TMEM128: variants seen among roughly 807,000 people sequenced by gnomAD.
TMEM128 encodes the protein transmembrane protein 128.
TMEM128 carries 16 observed loss-of-function variants against 19.7 expected under a neutral mutation model. That is an observed-to-expected ratio of 0.81 (90% CI 0.55 to 1.23). TMEM128 has a LOEUF of 1.23. Among genes scored for constraint, TMEM128 ranks in the 50% most tolerant of loss-of-function variants. TMEM128 has a pLI of 0.00. For missense variants in TMEM128, 237 were observed against 200.8 expected, an observed-to-expected ratio of 1.18 and a Z score of -1.09; for synonymous variants, 98 against 75.8, an observed-to-expected ratio of 1.29 and a Z score of -1.52.
At position 4,248,152 on chromosome 4, in the gene TMEM128, CAGGAGG is replaced by C; in HGVS notation, c.45_50del (p.Leu16_Leu17del). The C allele has an allele frequency of 6.5e-7, 1 of 1,534,224 alleles. No homozygotes were observed. Among genetic ancestry groups the C allele is most frequent in the Non-Finnish European group, 8.8e-7 (1 of 1,142,050 alleles). On this transcript the variant is annotated inframe_deletion, in exon 1 of 5. Coordinates refer to ENST00000382753, the MANE Select transcript of TMEM128 (RefSeq NM_001297551.2). ...GGTCCAGCTGGGCCTCGGCGTCCGG[CAGGAGG>C]AGGAATCGCCGCCGGAGCTGCTGCC...
At chr4:4,236,607 C>T (rs1577192125) in intron 4 of TMEM128, among the ~76,000 whole-genome samples, 3 of 152,302 alleles carry the variant, frequency 2.0e-5, no homozygotes, top group Admixed American at 1.3e-4. Flanking sequence ...GAATGAAGGG[C>T]CTCCTGTGAG....
At chr4:4,242,371 A>G (rs77871096) in intron 2 of TMEM128, among the ~76,000 whole-genome samples, 2 of 152,108 alleles carry the variant, frequency 1.3e-5, no homozygotes, top group Non-Finnish European at 2.9e-5. Context: ...ATAGATATGC[A>G]TGCAGTATAT....
intron 2 of TMEM128, among the ~76,000 whole-genome samples, chr4:4,243,307 C>A (rs1008664069): frequency 9.9e-5 from 15 of 152,146 alleles, no homozygotes; most frequent in Non-Finnish European, 1.6e-4. Flanking sequence ...TGGTCTCGAT[C>A]TCCTGACCTC....
At chr4:4,239,632 T>C (rs190178636) in intron 3 of TMEM128, among the ~76,000 whole-genome samples, 1,722 of 152,258 alleles carry the variant, frequency 0.011, 19 homozygotes, top group Non-Finnish European at 0.016. Flanking sequence ...GCATCCTTCA[T>C]AGTAACCCCA....
intron 3 of TMEM128, among the ~76,000 whole-genome samples, chr4:4,238,771 C>T (rs537418158): frequency 9.2e-5 from 14 of 152,132 alleles, no homozygotes; most frequent in African/African-American, 3.1e-4. Context: ...TGGTGGCGCA[C>T]GCCTGTAATC....
intron 2 of TMEM128, among the ~76,000 whole-genome samples, chr4:4,240,905 C>A (rs1292059103): frequency 6.6e-6 from 1 of 152,194 alleles, no homozygotes; most frequent in Non-Finnish European, 1.5e-5. Flanking sequence ...CGGAGAAATC[C>A]TGTCTCTACT....
chr4:4,247,696 G>A (rs1184039435), intron 1 of TMEM128: 13 of 1,606,138 alleles, frequency 8.1e-6, no homozygotes, highest in Non-Finnish European at 1.0e-5. Context: ...GATGTGTCAG[G>A]TATACATATA....
At chr4:4,240,761 A>T (rs866092180) in intron 2 of TMEM128, among the ~76,000 whole-genome samples, 1 of 152,232 alleles carries the variant, frequency 6.6e-6, no homozygotes, top group South Asian at 2.1e-4. Context: ...AATTCTGGTC[A>T]TGACAATGCA....
At chr4:4,240,594 G>A (rs1336474882) in intron 2 of TMEM128, 115 bp from the exon 3 acceptor site, 11 of 1,182,014 alleles carry the variant, frequency 9.3e-6, no homozygotes, top group Non-Finnish European at 1.3e-5. Context: ...GTGTTGCAGA[G>A]GGAGCCATAC....
chr4:4,241,626 A>C lies in TMEM128; in HGVS notation c.240-1147T>G, dbSNP rs532905046. On this transcript the variant is annotated intron_variant, in intron 2 of 4. Transcript: ENST00000382753. ...GTTCCGGATTCCATGAAGGCTTTTT[A>C]CGATGATGCAATTCTGAGATTCGGA... Among the ~76,000 whole-genome samples, 8 of 152,344 alleles carry C rather than the reference A, an allele frequency of 5.3e-5. No homozygotes were observed. The East Asian group carries it at 1.4e-3, about 26-fold the overall frequency.
intron 3 of TMEM128, among the ~76,000 whole-genome samples, chr4:4,238,365 A>G (rs1717810140): frequency 6.6e-6 from 1 of 152,240 alleles, no homozygotes; most frequent in African/African-American, 2.4e-5. Flanking sequence ...TATATCTTTC[A>G]TTGAGAAAAA....
intron 1 of TMEM128, 79 bp downstream of exon 1, chr4:4,248,026 TG>T: frequency 6.6e-7 from 1 of 1,511,428 alleles, no homozygotes. Flanking sequence ...CCTTCCAGAC[TG>T]GGCCAGGGCT....
In TMEM128 at chr4:4,248,092, G is replaced by C. The variant is rs545343978; in HGVS notation, c.97+14C>G. 8 of 1,535,288 alleles carry C rather than the reference G, an allele frequency of 5.2e-6. No homozygotes were observed. Among genetic ancestry groups the C allele is most frequent in the South Asian group, 2.4e-5 (2 of 83,758 alleles). Reference sequence around the variant, plus strand: ...GCCTCTGAGAACCTCGGGGCGGCTTGGTGCGCGCCTCACCCGGCCCGGCGT... The same window carrying C: ...GCCTCTGAGAACCTCGGGGCGGCTTCGTGCGCGCCTCACCCGGCCCGGCGT... On this transcript the variant is annotated intron_variant, in intron 1 of 4. Transcript: ENST00000382753.
chr4:4,238,545 A>C (rs1717817240), intron 3 of TMEM128, among the ~76,000 whole-genome samples: 1 of 152,200 alleles, frequency 6.6e-6, no homozygotes, highest in Admixed American at 6.5e-5. Context: ...TATAATCACA[A>C]ATCACACTGT....
At position 4,248,185 on chromosome 4, in the gene TMEM128, G is replaced by T; in HGVS notation, c.18C>A (p.Ala6=). Residue 6 remains alanine, a synonymous_variant, in exon 1 of 5, where the codon GCC becomes GCA. Transcript: ENST00000382753. MDSSR[A]RQQLRRRFLL... ...GGAATCGCCGCCGGAGCTGCTGCCGGGCCCGCGAGGAGTCCATCTTGGTAC... is the reference window on the plus strand; with the variant it reads ...GGAATCGCCGCCGGAGCTGCTGCCGTGCCCGCGAGGAGTCCATCTTGGTAC... 1 of 1,526,652 alleles carries T rather than the reference G, an allele frequency of 6.6e-7. No individual in the cohort carries two copies. Among genetic ancestry groups the T allele is most frequent in the Admixed American group, 2.0e-5 (1 of 49,534 alleles). The allele number at this position is 1,526,652 out of a possible 1,614,324, so 94.6% of individuals were successfully genotyped here.
At chr4:4,240,283 G>C (rs373749767) in intron 3 of TMEM128, 38 bp downstream of exon 3, 1 of 1,598,714 alleles carries the variant, frequency 6.3e-7, no homozygotes, top group African/African-American at 1.3e-5. Context: ...AAAAAAATTT[G>C]TTGTTCATTC....
In TMEM128 at chr4:4,240,454, A is replaced by G; in HGVS notation, c.265T>C (p.Leu89=). 6.2e-7 allele frequency: 1 copy of G among 1,613,670 alleles called. No homozygotes were observed. Among genetic ancestry groups the G allele is most frequent in the Non-Finnish European group, 8.5e-7 (1 of 1,179,660 alleles). The change falls in exon 3 of 5, where the codon TTG becomes CTG. Residue 89 remains leucine, a synonymous_variant. Transcript: ENST00000382753. Reference sequence around the variant, plus strand: ...AATGCAATTGATAAACTGACAAGCAACAAGGCACTGCCACAGAGAAACCAG... The same window carrying G: ...AATGCAATTGATAAACTGACAAGCAGCAAGGCACTGCCACAGAGAAACCAG... The part of the protein sequence containing the change: ...SSWFLCGSAL[L]LVSLSIAFYC...
chr4:4,246,091 A>G, intron 2 of TMEM128, 111 bp downstream of exon 2: 2 of 1,119,796 alleles, frequency 1.8e-6, no homozygotes, highest in Non-Finnish European at 2.5e-6. Context: ...CCTCCAACAC[A>G]GGGCCTGGCA....
intron 1 of TMEM128, 184 bp downstream of exon 1, chr4:4,247,922 C>A: frequency 7.0e-7 from 1 of 1,429,628 alleles, no homozygotes; most frequent in Non-Finnish European, 9.1e-7. Flanking sequence ...CCAGAGAATT[C>A]TGAAGCGCAG....
Sources: allele counts gnomAD v4.1 joint callset (sites outside exome capture counted in the v4.1 genomes callset), GRCh38; gene constraint gnomAD v4.1.1; transcripts MANE v1.5; gene names NCBI Gene and HGNC (gene_info 2026-07-23, HGNC 2026-07-21).